The following IL1RAPL2 variants were observed in gnomAD, a reference collection of about 807,000 sequenced individuals.
IL1RAPL2 encodes interleukin 1 receptor accessory protein like 2.
A neutral mutation model predicts 44.1 loss-of-function variants in IL1RAPL2; 3 were observed. The observed-to-expected ratio is 0.07, with a 90% CI of 0.03 to 0.18. IL1RAPL2 has a LOEUF of 0.18. Among genes scored for constraint, IL1RAPL2 ranks in the 10% least tolerant of loss-of-function variants. The probability of loss-of-function intolerance (pLI) is 1.00; values close to 1 mark genes in which losing one functional copy is unlikely to be tolerated. For synonymous variants in IL1RAPL2, 181 were observed against 178.8 expected (o/e 1.01, Z -0.10); for missense variants, 391 against 496.4 (o/e 0.79, Z 2.02).
chrX:105,226,889 C>G (rs1003084542), intron 3 of IL1RAPL2, among the ~76,000 whole-genome samples: 1 of 110,306 alleles, frequency 9.1e-6, no homozygotes, highest in Non-Finnish European at 1.9e-5. Flanking sequence ...AAGCAGTAAG[C>G]TACTCAAGTC....
chrX:105,498,672 G>T (rs2036372023), intron 6 of IL1RAPL2, among the ~76,000 whole-genome samples: 1 of 111,707 alleles, frequency 9.0e-6, no homozygotes, highest in African/African-American at 3.3e-5. Context: ...AAAGCAGTGT[G>T]ATACTAGCAT....
chrX:105,603,372 G>A (rs1422934069), intron 6 of IL1RAPL2, among the ~76,000 whole-genome samples: 3 of 110,886 alleles, frequency 2.7e-5, no homozygotes, highest in African/African-American at 9.8e-5. Flanking sequence ...CCAAAAATGA[G>A]CAGGAGTAGC....
chrX:105,084,081 A>T (rs2032448632), intron 2 of IL1RAPL2, among the ~76,000 whole-genome samples: 1 of 112,484 alleles, frequency 8.9e-6, no homozygotes, highest in African/African-American at 3.2e-5. Context: ...ATTTCAGAGG[A>T]TGTATGGAAA....
chrX:105,191,553 G>C (rs1226351163), intron 2 of IL1RAPL2, among the ~76,000 whole-genome samples: 2 of 111,975 alleles, frequency 1.8e-5, no homozygotes, highest in Non-Finnish European at 3.8e-5. Context: ...TAAACCAAGA[G>C]TAATAACTTT....
intron 2 of IL1RAPL2, among the ~76,000 whole-genome samples, chrX:104,853,497 T>C (rs1333856682): frequency 9.0e-6 from 1 of 111,145 alleles, no homozygotes; most frequent in Non-Finnish European, 1.9e-5. Flanking sequence ...GGGAGGTTTA[T>C]GGTGGAGCAG....
chrX:105,212,486 A>G (rs1198128716), intron 3 of IL1RAPL2, among the ~76,000 whole-genome samples: 2 of 111,390 alleles, frequency 1.8e-5, no homozygotes, highest in African/African-American at 6.5e-5. Flanking sequence ...CAAAACCCCC[A>G]TCTCCCTGGG....
intron 7 of IL1RAPL2, among the ~76,000 whole-genome samples, chrX:105,724,675 A>G (rs926855508): frequency 1.5e-4 from 17 of 112,252 alleles, no homozygotes; most frequent in African/African-American, 4.9e-4. Context: ...GTGCAGTAAC[A>G]TAAGATGTAA....
At chrX:105,665,863 T>C (rs1294784591) in intron 6 of IL1RAPL2, among the ~76,000 whole-genome samples, 2 of 106,706 alleles carry the variant, frequency 1.9e-5, no homozygotes, top group African/African-American at 6.9e-5. Flanking sequence ...CCTGAGTTCA[T>C]GCCATTCTCC....
chrX:105,227,113 C>T (rs191319953), intron 3 of IL1RAPL2, among the ~76,000 whole-genome samples: 1 of 105,772 alleles, frequency 9.5e-6, no homozygotes, highest in South Asian at 4.6e-4. Flanking sequence ...GGAGATGTAC[C>T]TAATGCTAAA....
At chrX:105,670,867 A>AT (rs1003591825) in intron 6 of IL1RAPL2, among the ~76,000 whole-genome samples, 1 of 107,674 alleles carries the variant, frequency 9.3e-6, no homozygotes, top group Non-Finnish European at 1.9e-5. Context: ...TATTTAAAAT[A>AT]TTTTTTGGTG....
At chrX:105,280,842 T>G (rs2034526258) in intron 5 of IL1RAPL2, among the ~76,000 whole-genome samples, 1 of 111,219 alleles carries the variant, frequency 9.0e-6, no homozygotes, top group African/African-American at 3.3e-5. Context: ...GTAAATTAGT[T>G]CAACCATTGT....
At chrX:105,646,505 G>C (rs1394538546) in intron 6 of IL1RAPL2, among the ~76,000 whole-genome samples, 1 of 111,813 alleles carries the variant, frequency 8.9e-6, no homozygotes, top group Non-Finnish European at 1.9e-5. Flanking sequence ...TGGGAAGGCA[G>C]ACTGCTGTTG....
At position 105,186,716 on chromosome X, in the gene IL1RAPL2, A is replaced by AC. The variant is rs782305228; in HGVS notation, c.83-8759_83-8758insC. ...TGTTAGATGCTAGCTAACCCAATTA[A>AC]AAAATGAGCAATAACTGAACAAACA... On this transcript the variant is annotated intron_variant, in intron 2 of 10. Transcript: ENST00000372582. Among the ~76,000 whole-genome samples, 267 of 111,968 alleles carry AC rather than the reference A, an allele frequency of 2.4e-3. 2 individuals are homozygous for AC. Among genetic ancestry groups the AC allele is most frequent in the African/African-American group, 8.0e-3 (246 of 30,851 alleles).
chrX:105,025,035 G>A (rs961857245), intron 2 of IL1RAPL2, among the ~76,000 whole-genome samples: 7 of 109,152 alleles, frequency 6.4e-5, no homozygotes, highest in African/African-American at 2.3e-4. Flanking sequence ...AACTTACAAC[G>A]TTTTCCACTG....
At chrX:105,474,883 A>C in intron 5 of IL1RAPL2, among the ~76,000 whole-genome samples, 1 of 109,313 alleles carries the variant, frequency 9.1e-6, no homozygotes, top group South Asian at 3.9e-4. Context: ...AAACAGTCTT[A>C]AAAAAAAACA....
chrX:105,370,408 A>G (rs1358982408), intron 5 of IL1RAPL2, among the ~76,000 whole-genome samples: 1 of 110,885 alleles, frequency 9.0e-6, no homozygotes, highest in African/African-American at 3.3e-5. Flanking sequence ...CCTGGTGTCT[A>G]TTGTTCCCTT....
intron 1 of IL1RAPL2, among the ~76,000 whole-genome samples, chrX:104,630,439 G>A (rs776961662): frequency 1.8e-5 from 2 of 109,390 alleles, no homozygotes; most frequent in Non-Finnish European, 3.8e-5. Context: ...GGGCCACTGC[G>A]CCCGGCAGGC....
chrX:105,530,626 A>G (rs1446106350), intron 6 of IL1RAPL2, among the ~76,000 whole-genome samples: 2 of 110,842 alleles, frequency 1.8e-5, no homozygotes, highest in African/African-American at 6.6e-5. Flanking sequence ...AAAATATACA[A>G]TTAAGTTATT....
chrX:105,411,008 G>A (rs1670762289), intron 5 of IL1RAPL2, among the ~76,000 whole-genome samples: 1 of 111,742 alleles, frequency 8.9e-6, no homozygotes, highest in African/African-American at 3.2e-5. Flanking sequence ...TATAAATTAA[G>A]GCAATAAAAT....
Sources: gnomAD v4.1 joint callset for allele counts (sites outside exome capture counted in the v4.1 genomes callset) on GRCh38, gnomAD v4.1.1 for gene constraint, MANE v1.5 for transcripts, NCBI Gene and HGNC (gene_info 2026-07-23, HGNC 2026-07-21) for gene names.